The following JADE1 variants were observed in gnomAD, a reference collection of about 807,000 sequenced individuals.
JADE1 encodes the protein protein Jade-1.
Under a neutral mutation model 81.8 loss-of-function variants are expected in JADE1, and 14 were observed. The observed-to-expected ratio is 0.17, with a 90% CI of 0.11 to 0.27. The LOEUF is 0.27. JADE1 is among the 10% of genes least tolerant of loss of function. JADE1 has a pLI of 1.00. For synonymous variants in JADE1, 353 were observed against 391.9 expected, an observed-to-expected ratio of 0.90 and a Z score of 1.17; for missense variants, 690 against 1,047.9, an observed-to-expected ratio of 0.66 and a Z score of 4.71.
chr4:128,852,000 G>A, intron 5 of JADE1, 57 bp from the exon 6 acceptor site: 4 of 1,053,754 alleles, frequency 3.8e-6, no homozygotes, highest in Non-Finnish European at 2.9e-6. Flanking sequence ...GTACTATTTT[G>A]TAATATTTAT....
intron 2 of JADE1, among the ~76,000 whole-genome samples, chr4:128,834,860 T>C (rs1194312439): frequency 6.6e-6 from 1 of 152,064 alleles, no homozygotes; most frequent in Non-Finnish European, 1.5e-5. Context: ...AATATATATG[T>C]TCAGGATGGG....
intron 1 of JADE1, among the ~76,000 whole-genome samples, chr4:128,817,769 G>T (rs147270787): frequency 2.6e-5 from 4 of 152,164 alleles, no homozygotes; most frequent in Non-Finnish European, 4.4e-5. Context: ...ACCCATGGAA[G>T]CTCTCCCCCA....
intron 1 of JADE1, among the ~76,000 whole-genome samples, chr4:128,811,110 C>T (rs1204192682): frequency 2.0e-5 from 3 of 152,162 alleles, no homozygotes; most frequent in Non-Finnish European, 1.5e-5. Flanking sequence ...GCAGGCTTTC[C>T]GGGTTGCTCG....
In JADE1 at chr4:128,871,924, A is replaced by C. The variant is rs1343943087; in HGVS notation, c.2191A>C (p.Asn731His). The C allele has an allele frequency of 6.2e-7, 1 of 1,614,014 alleles. No individual in the cohort carries two copies. Among genetic ancestry groups the C allele is most frequent in the East Asian group, 2.2e-5 (1 of 44,822 alleles). ...TGGCTCCCTAATCAAAGTAAACTATAATCAGACTGCAGTCAAAGTGCCTAC... is the reference window on the plus strand; with the variant it reads ...TGGCTCCCTAATCAAAGTAAACTATCATCAGACTGCAGTCAAAGTGCCTAC... Reference protein sequence around the residue: ...CNGSLIKVNYNQTAVKVPTTP... With the variant: ...CNGSLIKVNYHQTAVKVPTTP... Residue 731 changes from asparagine (N) to histidine (H), a missense_variant, in exon 11 of 11, where the codon AAT (asparagine) becomes CAT (histidine). Around this residue, in one of 8 missense-constraint regions of JADE1, gnomAD observed 218 missense variants for 274.3 expected, o/e 0.79. Coordinates refer to ENST00000226319, the MANE Select transcript of JADE1 (RefSeq NM_199320.4). This position sits in a 1 kb window ranked among gnomAD's most constrained non-coding sequence, Gnocchi z 4.1.
intron 1 of JADE1, among the ~76,000 whole-genome samples, chr4:128,814,183 CT>C (rs1726776630): frequency 6.6e-6 from 1 of 152,042 alleles, no homozygotes. Context: ...GTATGTGTGT[CT>C]GGGTGAAACT....
intron 9 of JADE1, among the ~76,000 whole-genome samples, chr4:128,866,402 A>T (rs1164915080): frequency 6.6e-6 from 1 of 152,252 alleles, no homozygotes; most frequent in Non-Finnish European, 1.5e-5. Context: ...TGTTTAGGCC[A>T]GGAGATATTA....
intron 8 of JADE1, 21 bp from the exon 9 acceptor site, chr4:128,861,683 T>G: frequency 6.2e-7 from 1 of 1,610,950 alleles, no homozygotes; most frequent in Non-Finnish European, 8.5e-7. Context: ...TATTCTCATG[T>G]TCTTTGTGTG....
intron 2 of JADE1, among the ~76,000 whole-genome samples, chr4:128,839,868 C>T (rs1729289027): frequency 6.6e-6 from 1 of 152,204 alleles, no homozygotes; most frequent in African/African-American, 2.4e-5. Context: ...AAATAAGCTG[C>T]TAAGAGCATT....
At chr4:128,819,219 T>C (rs1727325020) in intron 1 of JADE1, among the ~76,000 whole-genome samples, 2 of 152,108 alleles carry the variant, frequency 1.3e-5, no homozygotes, top group Admixed American at 1.3e-4. Context: ...TTGGCTACGC[T>C]GAGGGCTGTG....
At chr4:128,832,836 G>A (rs1728664407) in intron 2 of JADE1, among the ~76,000 whole-genome samples, 2 of 152,238 alleles carry the variant, frequency 1.3e-5, no homozygotes, top group African/African-American at 2.4e-5. Flanking sequence ...AGAAAGCAAG[G>A]CTTTGCTGCT....
At position 128,831,828 on chromosome 4, in the gene JADE1, G is replaced by T. The variant is rs375199080; in HGVS notation, c.52+18G>T. On this transcript the variant is annotated intron_variant, in intron 2 of 10. Coordinates refer to ENST00000226319, the MANE Select transcript of JADE1 (RefSeq NM_199320.4). The stretch of plus-strand genomic sequence containing the variant: ...CAATGGCAGTAAGTCCTGCTTTGTT[G>T]TTCTTGGAGCCTACCAGGGTTTGGG... 1.5e-5 allele frequency: 24 copies of T among 1,609,696 alleles called. No homozygotes were observed. Among genetic ancestry groups the T allele is most frequent in the Non-Finnish European group, 2.0e-5 (23 of 1,176,068 alleles).
intron 3 of JADE1, among the ~76,000 whole-genome samples, chr4:128,843,794 A>G (rs1239150271): frequency 6.6e-6 from 1 of 152,252 alleles, no homozygotes; most frequent in Non-Finnish European, 1.5e-5. Context: ...GTTCACAAAC[A>G]GCCTCATCCT....
chr4:128,821,490 CTTCTT>C, intron 1 of JADE1, among the ~76,000 whole-genome samples: 1 of 119,318 alleles, frequency 8.4e-6, no homozygotes, highest in East Asian at 2.5e-4. Flanking sequence ...GAAATGGCTT[CTTCTT>C]TTTTTTTTTT....
At chr4:128,822,509 C>T (rs757539038) in intron 1 of JADE1, among the ~76,000 whole-genome samples, 4 of 151,294 alleles carry the variant, frequency 2.6e-5, no homozygotes, top group Non-Finnish European at 5.9e-5. Flanking sequence ...GGTCAGAGTT[C>T]GAGACCAGCC....
At position 128,862,584 on chromosome 4, in the gene JADE1, G is replaced by C. The variant is rs142085959; in HGVS notation, c.1503+359G>C. 224 of 1,099,398 alleles carry C rather than the reference G, an allele frequency of 2.0e-4. 1 individual carries two copies. In the African/African-American group the frequency reaches 3.5e-3, roughly 17 times the overall value. The allele number at this position is 1,099,398 out of a possible 1,614,324, so 68.1% of individuals were successfully genotyped here. On this transcript the variant is annotated intron_variant, in intron 9 of 10. Coordinates refer to ENST00000226319, the MANE Select transcript of JADE1 (RefSeq NM_199320.4). ...ATGACCCAAGGAGTTGACTCAGGATGGTTTACAGACTGATTTAGAAAACCA... is the reference window on the plus strand; with the variant it reads ...ATGACCCAAGGAGTTGACTCAGGATCGTTTACAGACTGATTTAGAAAACCA...
chr4:128,832,505 G>A (rs10006958), intron 2 of JADE1, among the ~76,000 whole-genome samples: 3,079 of 152,290 alleles, frequency 0.02, 128 homozygotes, highest in African/African-American at 0.07. Flanking sequence ...GTTAGCTTAT[G>A]TTTTACATTA....
rs1729574294 is a variant in JADE1, at chr4:128,843,004, C to G, written c.104C>G (p.Ser35Cys). Residue 35 changes from serine (S) to cysteine (C), a missense_variant, in exon 3 of 11, where the codon TCC becomes TGC. Transcript: ENST00000226319. ...QNSRSQHRRS[S>C]CSRHEDRKPS... ...TCCCGATCCCAGCATAGGAGAAGCT[C>G]CTGCTCCAGACATGAAGATCGAAAG... is the stretch of plus-strand genomic sequence containing the variant. 1 of 1,613,942 alleles carries G rather than the reference C, an allele frequency of 6.2e-7. No homozygotes were observed. Among genetic ancestry groups the G allele is most frequent in the Non-Finnish European group, 8.5e-7 (1 of 1,179,934 alleles).
intron 1 of JADE1, among the ~76,000 whole-genome samples, chr4:128,819,644 A>T (rs910162905): frequency 6.6e-5 from 10 of 152,228 alleles, no homozygotes; most frequent in Admixed American, 2.0e-4. Context: ...CTGCTGACAC[A>T]TTCTTCCAGC....
At chr4:128,866,213 T>G (rs957929971) in intron 9 of JADE1, among the ~76,000 whole-genome samples, 5 of 152,250 alleles carry the variant, frequency 3.3e-5, no homozygotes, top group African/African-American at 1.2e-4. Context: ...TTAACTAGGC[T>G]GATTGACATC....
Sources: gnomAD v4.1 joint callset for allele counts (sites outside exome capture counted in the v4.1 genomes callset) on GRCh38, gnomAD v4.1.1 for gene constraint, gnomAD v4.1.1 regional missense constraint, Gnocchi (gnomAD v3.1) non-coding constraint, MANE v1.5 for transcripts, NCBI Gene and HGNC (gene_info 2026-07-23, HGNC 2026-07-21) for gene names.